The following LOC400499 variants were observed in gnomAD, a reference collection of about 807,000 sequenced individuals.
the LOC400499 span, among the ~76,000 whole-genome samples, chr16:11,419,611 T>C: frequency 0.014 from 2,149 of 152,248 alleles, 46 homozygotes; most frequent in African/African-American, 0.049. Context: ...GGGACCTCAT[T>C]AAACTGAAGA....
At chr16:11,443,888 G>A in the LOC400499 span, among the ~76,000 whole-genome samples, 2 of 151,582 alleles carry the variant, frequency 1.3e-5, no homozygotes, top group Non-Finnish European at 2.9e-5. Flanking sequence ...AGGCTGGAGT[G>A]CAGTGCTGGG....
the LOC400499 span, among the ~76,000 whole-genome samples, chr16:11,491,529 T>C: frequency 6.6e-6 from 1 of 151,652 alleles, no homozygotes; most frequent in African/African-American, 2.4e-5. Context: ...GAGGGGAGAA[T>C]ACATAGCCCC....
the LOC400499 span, chr16:11,414,374 G>A: frequency 3.0e-5 from 12 of 399,434 alleles, no homozygotes; most frequent in Non-Finnish European, 5.3e-5. Flanking sequence ...AGCCTCTGGA[G>A]AGCAGGCACT....
the LOC400499 span, among the ~76,000 whole-genome samples, chr16:11,497,947 A>T: frequency 2.0e-5 from 3 of 152,202 alleles, no homozygotes; most frequent in African/African-American, 7.2e-5. Context: ...TTCATTTTTA[A>T]AGATGGAAAA....
chr16:11,398,302 T>C, the LOC400499 span: 1 of 1,230,026 alleles, frequency 8.1e-7, no homozygotes, highest in Non-Finnish European at 1.0e-6. Flanking sequence ...CCCCTCACCA[T>C]GGGTCCCTGG....
At chr16:11,500,074 T>C in the LOC400499 span, among the ~76,000 whole-genome samples, 5,411 of 152,304 alleles carry the variant, frequency 0.036, 131 homozygotes, top group Non-Finnish European at 0.052. Context: ...ACTCATTAAA[T>C]ATGTGTGTTT....
chr16:11,466,726 C>T, the LOC400499 span, among the ~76,000 whole-genome samples: 1 of 152,040 alleles, frequency 6.6e-6, no homozygotes, highest in Admixed American at 6.6e-5. Context: ...CCACTGGCTA[C>T]CATATGGGAG....
the LOC400499 span, among the ~76,000 whole-genome samples, chr16:11,467,983 G>A: frequency 6.6e-6 from 1 of 152,108 alleles, no homozygotes; most frequent in Non-Finnish European, 1.5e-5. Context: ...GAAGACTATG[G>A]GAAGACAGAG....
chr16:11,381,816 C>A, the LOC400499 span, among the ~76,000 whole-genome samples: 2 of 151,980 alleles, frequency 1.3e-5, no homozygotes, highest in Non-Finnish European at 2.9e-5. Context: ...CACCCTCTTC[C>A]TTAGCTTTTA....
chr16:11,390,448 A>T, the LOC400499 span: 1 of 1,247,108 alleles, frequency 8.0e-7, no homozygotes, highest in East Asian at 3.0e-5. Context: ...GGCATCCTTC[A>T]GTGTGGCCAG....
the LOC400499 span, among the ~76,000 whole-genome samples, chr16:11,438,664 C>T: frequency 3.3e-5 from 5 of 150,024 alleles, no homozygotes; most frequent in Non-Finnish European, 4.4e-5. Context: ...TGGCAGGTGC[C>T]TGTGGTACCA....
At chr16:11,399,140 A>G in the LOC400499 span, 1 of 858,670 alleles carries the variant, frequency 1.2e-6, no homozygotes, top group Non-Finnish European at 1.4e-6. Context: ...GCTGGAGGAG[A>G]CCAGACCTGA....
At chr16:11,431,309 C>A in the LOC400499 span, 1 of 398,584 alleles carries the variant, frequency 2.5e-6, no homozygotes, top group South Asian at 1.4e-4. Flanking sequence ...TGCTGCTGCT[C>A]ACTAACAGGA....
At chr16:11,409,730 G>A in the LOC400499 span, among the ~76,000 whole-genome samples, 1 of 152,322 alleles carries the variant, frequency 6.6e-6, no homozygotes, top group South Asian at 2.1e-4. Flanking sequence ...CTGGAATGTT[G>A]TAATTACCGT....
At chr16:11,389,786 C>G in the LOC400499 span, among the ~76,000 whole-genome samples, 112,428 of 151,354 alleles carry the variant, frequency 0.74, 43,067 homozygotes, top group Admixed American at 0.84. Flanking sequence ...CCCTCTGCAG[C>G]GAGCTGTACC....
At chr16:11,448,848 G>A in the LOC400499 span, 15 of 1,266,438 alleles carry the variant, frequency 1.2e-5, no homozygotes, top group Non-Finnish European at 1.6e-5. Flanking sequence ...ATCCGAAGCA[G>A]GGAGAGAGGT....
chr16:11,487,854 G>C, the LOC400499 span, among the ~76,000 whole-genome samples: 1 of 152,124 alleles, frequency 6.6e-6, no homozygotes, highest in Non-Finnish European at 1.5e-5. Context: ...AGTGGCTCAT[G>C]CCTGTAATCT....
the LOC400499 span, chr16:11,385,458 T>TGGCC: frequency 8.3e-7 from 1 of 1,199,414 alleles, no homozygotes; most frequent in Non-Finnish European, 1.0e-6. Flanking sequence ...CGGGGCCAGC[T>TGGCC]CCACCCACCG....
the LOC400499 span, among the ~76,000 whole-genome samples, chr16:11,474,414 TGCCTACTC>T: frequency 1.3e-5 from 2 of 152,268 alleles, no homozygotes; most frequent in Non-Finnish European, 2.9e-5. Context: ...TTAGCCATTT[TGCCTACTC>T]TGGAATATTT....
Sources: gnomAD v4.1 joint callset for allele counts (sites outside exome capture counted in the v4.1 genomes callset) on GRCh38, gnomAD v4.1.1 for gene constraint, MANE v1.5 for transcripts.